The following PRMT8 variants were observed in gnomAD, a reference collection of about 807,000 sequenced individuals.
The protein encoded by PRMT8 is protein arginine N-methyltransferase 8.
A neutral mutation model predicts 47.1 loss-of-function variants in PRMT8; 7 were observed. The observed-to-expected ratio is 0.15, with a 90% CI of 0.08 to 0.28. PRMT8 has a LOEUF of 0.28. Among genes scored for constraint, PRMT8 ranks in the 10% least tolerant of loss-of-function variants. The pLI is 1.00. For missense variants in PRMT8, 237 were observed against 505.4 expected (o/e 0.47, Z 5.09); for synonymous variants, 188 against 186.5 (o/e 1.01, Z -0.07).
intron 1 of PRMT8, among the ~76,000 whole-genome samples, chr12:3,401,134 C>T (rs1418900597): frequency 1.7e-4 from 18 of 106,062 alleles, no homozygotes; most frequent in African/African-American, 4.0e-4. Context: ...ACAACAAGAG[C>T]GAAACTCCAT....
intron 1 of PRMT8, among the ~76,000 whole-genome samples, chr12:3,439,931 T>C (rs1382929257): frequency 6.6e-6 from 1 of 152,182 alleles, no homozygotes; most frequent in Non-Finnish European, 1.5e-5. Context: ...GGCAGAAGTA[T>C]GAGTCGGGCA....
At chr12:3,560,671 A>G (rs1252583381) in intron 4 of PRMT8, among the ~76,000 whole-genome samples, 1 of 152,220 alleles carries the variant, frequency 6.6e-6, no homozygotes, top group East Asian at 1.9e-4. Context: ...GGAAAAAAGC[A>G]TGCCCCTCCT....
intron 1 of PRMT8, among the ~76,000 whole-genome samples, chr12:3,428,770 TTC>T (rs970933891): frequency 5.5e-4 from 81 of 148,344 alleles, no homozygotes; most frequent in African/African-American, 1.7e-3. Flanking sequence ...GCCTCTCTCT[TTC>T]TCTCTCTCTC....
intron 1 of PRMT8, among the ~76,000 whole-genome samples, chr12:3,420,081 G>T (rs1451245816): frequency 6.6e-6 from 1 of 150,772 alleles, no homozygotes; most frequent in African/African-American, 2.4e-5. Context: ...GAGCCTGGCT[G>T]TACTGAACCA....
At chr12:3,468,975 G>A (rs542064185) in intron 1 of PRMT8, 106 of 255,010 alleles carry the variant, frequency 4.2e-4, no homozygotes, top group African/African-American at 2.2e-3. Context: ...AGGAACTAGC[G>A]TTATGCCAAA....
chr12:3,426,395 C>T (rs535160553), intron 1 of PRMT8, among the ~76,000 whole-genome samples: 1 of 152,318 alleles, frequency 6.6e-6, no homozygotes, highest in South Asian at 2.1e-4. Flanking sequence ...CATCCTTGCT[C>T]TTTAGTGGTC....
intron 1 of PRMT8, among the ~76,000 whole-genome samples, chr12:3,443,827 G>C (rs1169826447): frequency 1.3e-5 from 2 of 152,086 alleles, no homozygotes; most frequent in Non-Finnish European, 2.9e-5. Context: ...CCAACCCCTG[G>C]ACCCCATATG....
chr12:3,551,782 A>G (rs546104713), intron 3 of PRMT8: 2 of 152,494 alleles, frequency 1.3e-5, no homozygotes, highest in South Asian at 4.1e-4. Flanking sequence ...TGGGGAGACG[A>G]GATGGCGGGA....
chr12:3,435,422 A>G (rs1268298195), intron 1 of PRMT8, among the ~76,000 whole-genome samples: 3 of 152,156 alleles, frequency 2.0e-5, no homozygotes, highest in African/African-American at 7.2e-5. Flanking sequence ...GGAAAGGGGA[A>G]GAGGTTCATG....
At chr12:3,531,519 T>C (rs547613627) in intron 1 of PRMT8, among the ~76,000 whole-genome samples, 1 of 152,226 alleles carries the variant, frequency 6.6e-6, no homozygotes, top group Admixed American at 6.5e-5. Context: ...ACAAATCCAA[T>C]AGATTCCCTC....
chr12:3,384,253 C>CTTT (rs80159289), intron 1 of PRMT8, among the ~76,000 whole-genome samples: 3 of 143,028 alleles, frequency 2.1e-5, no homozygotes, highest in Middle Eastern at 3.8e-3. Context: ...CCCTCTATTC[C>CTTT]TTTTTTTTTT....
intron 1 of PRMT8, among the ~76,000 whole-genome samples, chr12:3,404,401 A>G (rs1373783485): frequency 6.6e-6 from 1 of 152,188 alleles, no homozygotes; most frequent in Non-Finnish European, 1.5e-5. Flanking sequence ...TATTTAATAC[A>G]CTTTTAAAAC....
Position 3,456,518 on chromosome 12 carries a change from C to T in PRMT8, c.48+75076C>T, listed in dbSNP as rs542529140. On this transcript the variant is annotated intron_variant, in intron 1 of 9. Coordinates refer to the PRMT8 transcript ENST00000452611. The surrounding 1 kb of genome is among the most constrained non-coding windows in gnomAD (Gnocchi z 4.2). ...ACCCACGAGCACACATTCGGCATCA[C>T]GAGCGATCTGTTGTGCAGCCCGATC... 7.0e-4 allele frequency among the ~76,000 whole-genome samples: 107 copies of T among 152,304 alleles called. No individual in the cohort carries two copies. Among genetic ancestry groups the T allele is most frequent in the African/African-American group, 2.5e-3 (102 of 41,560 alleles).
At chr12:3,465,710 C>T (rs1285269822) in intron 1 of PRMT8, among the ~76,000 whole-genome samples, 10 of 152,090 alleles carry the variant, frequency 6.6e-5, no homozygotes, top group East Asian at 5.8e-4. Context: ...TTTTTGAAAA[C>T]GAACTTATAA....
In PRMT8 at chr12:3,540,291, G is replaced by A. The variant is rs777902464; in HGVS notation, c.76-315G>A. Among the ~76,000 whole-genome samples the A allele has an allele frequency of 3.5e-4, 53 of 152,186 alleles. 1 individual carries two copies. The highest frequency in any genetic ancestry group is 6.6e-4 in the Non-Finnish European group (45 of 68,050). ...GAATGTTTCCTATTTGCCTTCAAAG[G>A]AAGATACTATTTTCCCCATTTCACA... On this transcript the variant is annotated intron_variant, in intron 1 of 9. Coordinates refer to ENST00000382622, the MANE Select transcript of PRMT8 (RefSeq NM_019854.5).
upstream of PRMT8, among the ~76,000 whole-genome samples, chr12:3,491,046 G>C (rs993872828): frequency 3.0e-4 from 46 of 152,168 alleles, 1 homozygote; most frequent in Non-Finnish European, 4.1e-4. Context: ...CCAGGGAGTG[G>C]AGGCGGCCGA....
intron 1 of PRMT8, among the ~76,000 whole-genome samples, chr12:3,442,479 C>T (rs1468682933): frequency 1.3e-5 from 2 of 152,154 alleles, no homozygotes; most frequent in Non-Finnish European, 2.9e-5. Flanking sequence ...ATCTGTCACC[C>T]CATGTGAACA....
chr12:3,530,438 A>C (rs1262082447), intron 1 of PRMT8, among the ~76,000 whole-genome samples: 1 of 152,192 alleles, frequency 6.6e-6, no homozygotes, highest in East Asian at 1.9e-4. Flanking sequence ...TTGTGAGATA[A>C]TCTTCAGGAG....
At chr12:3,513,860 C>T (rs190172278) in intron 1 of PRMT8, among the ~76,000 whole-genome samples, 52 of 152,318 alleles carry the variant, frequency 3.4e-4, no homozygotes, top group Non-Finnish European at 5.7e-4. Flanking sequence ...AGATCCATTC[C>T]CTACAGTATG....
Sources: gnomAD v4.1 joint callset for allele counts (sites outside exome capture counted in the v4.1 genomes callset) on GRCh38, gnomAD v4.1.1 for gene constraint, Gnocchi (gnomAD v3.1) non-coding constraint, MANE v1.5 for transcripts, NCBI Gene and HGNC (gene_info 2026-07-23, HGNC 2026-07-21) for gene names.